The following ASPHD1 variants were observed in gnomAD, a reference collection of about 807,000 sequenced individuals.
ASPHD1 encodes aspartate beta-hydroxylase domain containing 1, also known as aspartate beta-hydroxylase domain-containing protein 1.
In ASPHD1, 20 loss-of-function variants were observed where a neutral mutation model predicts 28.3. The observed-to-expected ratio is 0.71, with a 90% CI of 0.50 to 1.03. The LOEUF (loss-of-function observed/expected upper bound fraction) is 1.03. Ranked by LOEUF, ASPHD1 falls within the 50% of genes least tolerant of loss-of-function variation. The pLI is 0.00. For missense variants in ASPHD1, 479 were observed against 524.1 expected (o/e 0.91, Z 0.84); for synonymous variants, 240 against 221.2 (o/e 1.08, Z -0.75).
chr16:29,901,837 A>G lies in ASPHD1; in HGVS notation c.866A>G (p.Asn289Ser). 6.5e-7 allele frequency: 1 copy of G among 1,549,874 alleles called. No homozygotes were observed. Among genetic ancestry groups the G allele is most frequent in the Non-Finnish European group, 8.7e-7 (1 of 1,148,906 alleles). Residue 289 changes from asparagine (N) to serine (S), a missense_variant, in exon 1 of 3, where the codon AAT (asparagine) becomes AGT (serine). Transcript: ENST00000308748. The surrounding 1 kb of genome is among the most constrained non-coding windows in gnomAD (Gnocchi z 5.1). ...RSFMSANTFGNAGFSVLLPGA... is the reference protein window; with the variant it reads ...RSFMSANTFGSAGFSVLLPGA... ...TTTATGAGTGCCAACACCTTCGGCA[A>G]TGCCGGCTTTTCCGTTCTCCTGCCT...
intron 3 of ASPHD1, chr16:29,912,079 C>T: frequency 6.6e-7 from 1 of 1,508,112 alleles, no homozygotes; most frequent in Admixed American, 1.9e-5. Flanking sequence ...TGGTTAACAG[C>T]ACAACCAAAG....
At position 29,901,223 on chromosome 16, in the gene ASPHD1, C is replaced by T. The variant is rs777851583; in HGVS notation, c.252C>T (p.Phe84=). 1.2e-6 allele frequency: 2 copies of T among 1,613,770 alleles called. No homozygotes were observed. The highest frequency in any genetic ancestry group is 1.7e-5 in the Admixed American group (1 of 59,996). The change falls in exon 1 of 3, where the codon TTC becomes TTT. Residue 84 remains phenylalanine, a synonymous_variant. Transcript: ENST00000308748. This position sits in a 1 kb window ranked among gnomAD's most constrained non-coding sequence, Gnocchi z 5.1. The part of the protein sequence containing the change: ...PLASSALTLL[F]GALTSLFLWY... ...CCTCCTCGGCCCTCACCTTGCTCTTCGGGGCCCTCACTTCCCTGTTCCTCT... is the reference window on the plus strand; with the variant it reads ...CCTCCTCGGCCCTCACCTTGCTCTTTGGGGCCCTCACTTCCCTGTTCCTCT...
At position 29,901,707 on chromosome 16, in the gene ASPHD1, GCC is replaced by G; in HGVS notation, c.740_741del (p.Pro247ArgfsTer78). ...PPPRGWSPPL[A>X]PGCYQLLLYQ... Reference sequence around the variant, plus strand: ...GCCTCGGGGCTGGTCCCCACCTCTGGCCCCCGGGTGCTACCAGCTCCTGCTGT... The same window carrying G: ...GCCTCGGGGCTGGTCCCCACCTCTGGCCCGGGTGCTACCAGCTCCTGCTGT... On this transcript the variant is annotated frameshift_variant, in exon 1 of 3. Coordinates refer to ENST00000308748, the MANE Select transcript of ASPHD1 (RefSeq NM_181718.4). LOFTEE classifies it high-confidence loss of function. The surrounding 1 kb of genome is among the most constrained non-coding windows in gnomAD (Gnocchi z 5.1). 6.4e-7 allele frequency: 1 copy of G among 1,573,380 alleles called. No homozygotes were observed. Among genetic ancestry groups the G allele is most frequent in the Non-Finnish European group, 8.6e-7 (1 of 1,163,618 alleles).
downstream of ASPHD1, among the ~76,000 whole-genome samples, chr16:29,910,241 T>C (rs1193220703): frequency 6.6e-6 from 1 of 151,268 alleles, no homozygotes; most frequent in Non-Finnish European, 1.5e-5. Context: ...CTACTAAAAA[T>C]ACAAAAATTA....
intron 3 of ASPHD1, chr16:29,913,097 T>A (rs1358669687): frequency 2.7e-5 from 4 of 150,576 alleles, no homozygotes; most frequent in African/African-American, 7.3e-5. Context: ...CAGAGAATAA[T>A]AAAAGTCTAC....
downstream of ASPHD1, chr16:29,910,907 A>G (rs2068695542): frequency 6.8e-7 from 1 of 1,460,708 alleles, no homozygotes; most frequent in East Asian, 2.3e-5. Flanking sequence ...TCCCCTGCCA[A>G]CCTGCTTTTG....
At chr16:29,906,995 A>G, downstream of ASPHD1, 1 of 1,614,130 alleles carries the variant, frequency 6.2e-7, no homozygotes. Flanking sequence ...CAGCCCCACC[A>G]GCTCCAGCTG....
chr16:29,910,178 T>C (rs567713934), downstream of ASPHD1, among the ~76,000 whole-genome samples: 46 of 150,930 alleles, frequency 3.0e-4, no homozygotes, highest in Non-Finnish European at 5.5e-4. Flanking sequence ...GGTGGGTGGA[T>C]CACGAGGTCA....
chr16:29,911,195 G>A (rs753585751), intron 3 of ASPHD1: 2 of 1,605,704 alleles, frequency 1.2e-6, no homozygotes, highest in Non-Finnish European at 8.5e-7. Context: ...GGGACCAGGA[G>A]GCCTCAGCGC....
At chr16:29,902,086 C>T (rs1228502648) in intron 1 of ASPHD1, among the ~76,000 whole-genome samples, 166 bp downstream of exon 1, 2 of 152,216 alleles carry the variant, frequency 1.3e-5, no homozygotes, top group African/African-American at 4.8e-5. Context: ...GTTATCTGCA[C>T]ACCACCTTCA....
At chr16:29,906,103 G>T, downstream of ASPHD1, 1 of 421,012 alleles carries the variant, frequency 2.4e-6, no homozygotes, top group Non-Finnish European at 4.2e-6. Context: ...AGGGCCTTAT[G>T]TCTTCTCCTA....
intron 1 of ASPHD1, among the ~76,000 whole-genome samples, chr16:29,902,977 T>G (rs901598730): frequency 1.4e-5 from 2 of 138,496 alleles, no homozygotes; most frequent in African/African-American, 5.6e-5. Flanking sequence ...AGCCTTAACC[T>G]CCTGAGATCA....
chr16:29,912,274 G>GGCCACTGGCTGTGCCCCT, intron 3 of ASPHD1: 3 of 577,988 alleles, frequency 5.2e-6, no homozygotes. Flanking sequence ...TGCCTGCCCC[G>GGCCACTGGCTGTGCCCCT]GCCACTGGCT....
At chr16:29,917,372 T>A (rs2068828282) in intron 3 of ASPHD1, among the ~76,000 whole-genome samples, 1 of 152,054 alleles carries the variant, frequency 6.6e-6, no homozygotes, top group African/African-American at 2.4e-5. Context: ...ATAGGTCAGG[T>A]ATAGCGGATC....
intron 3 of ASPHD1, among the ~76,000 whole-genome samples, chr16:29,919,123 G>T (rs905525053): frequency 6.6e-6 from 1 of 152,140 alleles, no homozygotes; most frequent in African/African-American, 2.4e-5. Flanking sequence ...CTACAGTCTG[G>T]TTTACAGGAA....
intron 2 of ASPHD1, 125 bp downstream of exon 2, chr16:29,905,090 A>T: frequency 1.5e-6 from 1 of 660,290 alleles, no homozygotes; most frequent in Non-Finnish European, 2.6e-6. Flanking sequence ...CAGCTGCATG[A>T]CCTTGAACAA....
At chr16:29,917,641 T>C (rs974851383) in intron 3 of ASPHD1, among the ~76,000 whole-genome samples, 6 of 152,200 alleles carry the variant, frequency 3.9e-5, no homozygotes, top group African/African-American at 1.4e-4. Context: ...TAGCCAGGCA[T>C]GGTGGTGCAC....
downstream of ASPHD1, chr16:29,906,331 A>G (rs2068611517): frequency 4.8e-6 from 1 of 207,054 alleles, no homozygotes; most frequent in Non-Finnish European, 9.8e-6. Flanking sequence ...CCCAGGAGCC[A>G]GCACCAGTTT....
intron 3 of ASPHD1, chr16:29,911,194 A>G (rs764002519): frequency 6.2e-7 from 1 of 1,606,818 alleles, no homozygotes; most frequent in East Asian, 2.2e-5. Flanking sequence ...GGGGACCAGG[A>G]GGCCTCAGCG....
Sources: allele counts gnomAD v4.1 joint callset (sites outside exome capture counted in the v4.1 genomes callset), GRCh38; gene constraint gnomAD v4.1.1; non-coding constraint Gnocchi (gnomAD v3.1); transcripts MANE v1.5; gene names NCBI Gene and HGNC (gene_info 2026-07-23, HGNC 2026-07-21).